The following LRRTM4 variants were observed in gnomAD, a reference collection of about 807,000 sequenced individuals.
LRRTM4 encodes leucine rich repeat transmembrane neuronal 4.
In LRRTM4, 25 loss-of-function variants were observed where a neutral mutation model predicts 47.6. The observed-to-expected ratio is 0.53, with a 90% confidence interval of 0.38 to 0.73. LRRTM4 has a LOEUF of 0.73. Ranked by LOEUF, LRRTM4 falls within the 30% of genes least tolerant of loss-of-function variation. LRRTM4 has a pLI of 0.00. For synonymous variants in LRRTM4, 311 were observed against 269.5 expected (o/e 1.15, Z -1.51); for missense variants, 638 against 713.4 (o/e 0.89, Z 1.20).
chr2:76,913,594 C>A (rs1057503837), intron 3 of LRRTM4, among the ~76,000 whole-genome samples: 1 of 139,338 alleles, frequency 7.2e-6, no homozygotes, highest in Non-Finnish European at 1.5e-5. Flanking sequence ...GGCTGGAGTG[C>A]AATTGCGCGA....
intron 3 of LRRTM4, among the ~76,000 whole-genome samples, chr2:77,264,036 A>C (rs767920834): frequency 1.3e-5 from 2 of 152,052 alleles, no homozygotes; most frequent in Non-Finnish European, 2.9e-5. Flanking sequence ...AATTTTATCC[A>C]ATACTTGTGT....
intron 3 of LRRTM4, among the ~76,000 whole-genome samples, chr2:77,292,700 G>A (rs1394809969): frequency 7.9e-6 from 1 of 125,882 alleles, no homozygotes; most frequent in South Asian, 3.0e-4. Context: ...ACTGTTGTGG[G>A]GTGGGGGGAG....
intron 3 of LRRTM4, among the ~76,000 whole-genome samples, chr2:77,142,735 A>G (rs1438154090): frequency 1.3e-5 from 2 of 152,178 alleles, no homozygotes; most frequent in Non-Finnish European, 2.9e-5. Context: ...CTGTATGTCT[A>G]CAATACTAAC....
intron 3 of LRRTM4, among the ~76,000 whole-genome samples, chr2:77,000,428 G>T (rs1677377847): frequency 6.6e-6 from 1 of 152,250 alleles, no homozygotes; most frequent in Non-Finnish European, 1.5e-5. Context: ...CCTGTTAGTA[G>T]AAAGGTAGAG....
chr2:77,124,024 T>G (rs999937290), intron 3 of LRRTM4, among the ~76,000 whole-genome samples: 5 of 152,112 alleles, frequency 3.3e-5, no homozygotes, highest in African/African-American at 4.8e-5. Context: ...CGTAAGAAGC[T>G]AAGGATCAGT....
chr2:77,358,357 C>T (rs757701411), intron 3 of LRRTM4, among the ~76,000 whole-genome samples: 4 of 152,072 alleles, frequency 2.6e-5, no homozygotes, highest in Non-Finnish European at 4.4e-5. Flanking sequence ...TCCACTCTTG[C>T]GGGAACTAGT....
At chr2:77,324,118 C>A (rs984043858) in intron 3 of LRRTM4, among the ~76,000 whole-genome samples, 1 of 152,174 alleles carries the variant, frequency 6.6e-6, no homozygotes, top group Admixed American at 6.5e-5. Flanking sequence ...ATGGGGTTTT[C>A]ATTTTTATAG....
chr2:77,203,123 A>T, intron 3 of LRRTM4, among the ~76,000 whole-genome samples: 1 of 152,024 alleles, frequency 6.6e-6, no homozygotes, highest in South Asian at 2.1e-4. Context: ...ATATATACAT[A>T]TGTGTGTGTA....
chr2:77,395,063 CCCTTG>C (rs1558723126), intron 3 of LRRTM4, among the ~76,000 whole-genome samples: 2 of 151,936 alleles, frequency 1.3e-5, no homozygotes, highest in Admixed American at 6.6e-5. Flanking sequence ...TGTGAATTAA[CCCTTG>C]CCTGGCATGG....
rs914352376 is a variant in LRRTM4 at position 77,191,187 on chromosome 2, A to G, written c.1551+327131T>C. ...CATAGGACATATTCTTTGAACTCCC[A>G]CAAACAGAAATGAGTAATACCAGTT... On this transcript the variant is annotated intron_variant, in intron 3 of 3. Transcript: ENST00000409884. 5.9e-5 allele frequency among the ~76,000 whole-genome samples: 9 copies of G among 152,256 alleles called. No individual in the cohort carries two copies. The East Asian group carries it at 1.5e-3, about 26-fold the overall frequency.
At chr2:77,430,246 T>C (rs911964518) in intron 3 of LRRTM4, among the ~76,000 whole-genome samples, 5 of 152,208 alleles carry the variant, frequency 3.3e-5, no homozygotes, top group African/African-American at 1.2e-4. Context: ...TAAAACATCA[T>C]GTTGTACACA....
chr2:77,470,344 G>A (rs1309400736), intron 3 of LRRTM4, among the ~76,000 whole-genome samples: 1 of 152,138 alleles, frequency 6.6e-6, no homozygotes, highest in African/African-American at 2.4e-5. Context: ...GGCACACCAA[G>A]TTGATGCCAA....
chr2:76,770,759 C>A (rs1673661369), intron 3 of LRRTM4, among the ~76,000 whole-genome samples: 1 of 152,124 alleles, frequency 6.6e-6, no homozygotes, highest in Admixed American at 6.6e-5. Flanking sequence ...GTCTTCTACC[C>A]CCCAGTAGTA....
In LRRTM4 at chr2:76,911,938, G is replaced by T. The variant is rs143085932; in HGVS notation, c.1552-163022C>A. ...GTGAGTTGTGGTATGTGCTTTTTGG[G>T]GGGGGGGGGGGGACAGAGTCTCGCT... On this transcript the variant is annotated intron_variant, in intron 3 of 3. Transcript: ENST00000409884. Among the ~76,000 whole-genome samples the T allele has an allele frequency of 0.021, 1,034 of 48,786 alleles. 50 individuals carry two copies. The East Asian group carries it at 0.25, about 12-fold the overall frequency. 32.0% of individuals were successfully genotyped at this position (48,786 alleles called of 152,430 possible).
At chr2:76,848,073 CTTTCCTTT>C (rs1298028174) in intron 3 of LRRTM4, among the ~76,000 whole-genome samples, 1 of 151,992 alleles carries the variant, frequency 6.6e-6, no homozygotes, top group African/African-American at 2.4e-5. Context: ...ATTCTTCATT[CTTTCCTTT>C]TTTCTCAAAG....
At chr2:76,810,877 C>G (rs764058503) in intron 3 of LRRTM4, among the ~76,000 whole-genome samples, 1 of 152,224 alleles carries the variant, frequency 6.6e-6, no homozygotes, top group South Asian at 2.1e-4. Flanking sequence ...CACAACATTA[C>G]ACACTATCTT....
chr2:76,788,786 A>G (rs762929286), intron 3 of LRRTM4, among the ~76,000 whole-genome samples: 2 of 152,158 alleles, frequency 1.3e-5, no homozygotes, highest in Admixed American at 1.3e-4. Context: ...TAGTAACACT[A>G]TTTTATAGTT....
At chr2:76,800,915 CTCA>C (rs1484062833) in intron 3 of LRRTM4, among the ~76,000 whole-genome samples, 4 of 151,230 alleles carry the variant, frequency 2.6e-5, no homozygotes, top group African/African-American at 9.7e-5. Context: ...ACCATCAATG[CTCA>C]TCATCACTGG....
intron 3 of LRRTM4, among the ~76,000 whole-genome samples, chr2:76,933,217 A>C (rs1330092465): frequency 6.6e-6 from 1 of 152,126 alleles, no homozygotes; most frequent in African/African-American, 2.4e-5. Context: ...ATAAATGAGT[A>C]ATCAATGAAA....
Sources: gnomAD v4.1 joint callset for allele counts (sites outside exome capture counted in the v4.1 genomes callset) on GRCh38, gnomAD v4.1.1 for gene constraint, MANE v1.5 for transcripts, NCBI Gene and HGNC (gene_info 2026-07-23, HGNC 2026-07-21) for gene names.